DNAH17: variants seen among roughly 807,000 people sequenced by gnomAD.
The protein encoded by DNAH17 is axonemal beta dynein heavy chain 17.
DNAH17 carries 376 observed loss-of-function variants against 485.6 expected under a neutral mutation model. That is an observed-to-expected ratio of 0.77 (90% CI 0.71 to 0.84). The LOEUF is 0.84. DNAH17 is among the 40% of genes least tolerant of loss of function. The pLI is 0.00. For synonymous variants in DNAH17, 3,031 were observed against 2,405.9 expected, an observed-to-expected ratio of 1.26 and a Z score of -7.60; for missense variants, 6,370 against 5,839.3, an observed-to-expected ratio of 1.09 and a Z score of -2.96.
At chr17:78,470,995 G>A (rs2088722669) in intron 54 of DNAH17, among the ~76,000 whole-genome samples, 1 of 152,156 alleles carries the variant, frequency 6.6e-6, no homozygotes, top group Non-Finnish European at 1.5e-5. Context: ...CCATTTCCAT[G>A]TATATATATG....
intron 17 of DNAH17, among the ~76,000 whole-genome samples, chr17:78,540,957 G>A (rs111218976): frequency 3.9e-3 from 2 of 514 alleles, no homozygotes; most frequent in African/African-American, 0.019. Context: ...ATCGGTGGAT[G>A]AGTGGATGGG....
At position 78,450,772 on chromosome 17, in the gene DNAH17, C is replaced by G. The variant is rs1047864229; in HGVS notation, c.10809G>C (p.Leu3603=). The change falls in exon 67 of 81, where the codon CTG becomes CTC. Residue 3603 remains leucine, a synonymous_variant. Transcript: ENST00000389840. ...CCAGAAAGTTCCCCGACGCAGCCGACAGACGGGCCAGGAGCGAATCTTCCA... is the reference window on the plus strand; with the variant it reads ...CCAGAAAGTTCCCCGACGCAGCCGAGAGACGGGCCAGGAGCGAATCTTCCA... ...KELEDSLLAR[L]SAASGNFLGD... 6.9e-5 allele frequency: 112 copies of G among 1,613,940 alleles called. No individual in the cohort carries two copies. Among genetic ancestry groups the G allele is most frequent in the Non-Finnish European group, 8.5e-5 (100 of 1,179,904 alleles).
At chr17:78,437,891 G>T in intron 73 of DNAH17, 23 bp from the exon 74 acceptor site, 1 of 1,574,678 alleles carries the variant, frequency 6.4e-7, no homozygotes, top group East Asian at 2.3e-5. Flanking sequence ...CTAGAGGCTG[G>T]TTACACACTT....
Position 78,450,719 on chromosome 17 carries a change from T to A in DNAH17, c.10862A>T (p.Glu3621Val). 6.2e-7 allele frequency: 1 copy of A among 1,613,830 alleles called. No homozygotes were observed. Among genetic ancestry groups the A allele is most frequent in the Non-Finnish European group, 8.5e-7 (1 of 1,179,844 alleles). The change falls in exon 67 of 81, where the codon GAG becomes GTG. Residue 3621 changes from glutamate (E) to valine (V), a missense_variant. Physicochemically the swap from Glu to Val is moderately radical, Grantham distance 121. Transcript: ENST00000389840. ...LGDTALVENL[E>V]TTKHTASEIE... is the part of the protein sequence containing the mutation. ...CTCGCTGGCTGTGTGCTTGGTGGTC[T>A]CCAGATTCTCCACCAAGGCCGTGTC...
intron 60 of DNAH17, among the ~76,000 whole-genome samples, chr17:78,459,423 C>A (rs988363366): frequency 5.3e-5 from 8 of 152,214 alleles, no homozygotes; most frequent in African/African-American, 1.9e-4. Context: ...CCAAGTCGGG[C>A]ACCAGGAGAC....
Position 78,480,691 on chromosome 17 carries a change from C to T in DNAH17, c.7745G>A (p.Arg2582Lys). The T allele has an allele frequency of 3.7e-6, 6 of 1,613,466 alleles. No individual in the cohort carries two copies. Among genetic ancestry groups the T allele is most frequent in the Non-Finnish European group, 5.1e-6 (6 of 1,179,678 alleles). The part of the protein sequence containing the change: ...PTSGSFTIDS[R>K]LQRHFCVFAV... ...AGTATGGTTTCTGCTTACCTGAAGC[C>T]TGGAGTCGATGGTGAAGGATCCGGA... The change falls in exon 49 of 81, where the codon AGG (arginine) becomes AAG (lysine). Residue 2582 changes from arginine to lysine, a missense_variant. Physicochemically the swap from Arg to Lys is conservative, Grantham distance 26. Transcript: ENST00000389840.
chr17:78,500,959 C>G, intron 35 of DNAH17: 1 of 431,648 alleles, frequency 2.3e-6, no homozygotes, highest in Non-Finnish European at 4.0e-6. Flanking sequence ...AAACATGACC[C>G]CAACTCAGCA....
intron 19 of DNAH17, among the ~76,000 whole-genome samples, chr17:78,534,741 G>C (rs2091328265): frequency 6.6e-6 from 1 of 152,176 alleles, no homozygotes; most frequent in Non-Finnish European, 1.5e-5. Flanking sequence ...CCAGAGGCAG[G>C]TGAGACCTGC....
chr17:78,494,889 G>A (rs2090009474), intron 39 of DNAH17, 69 bp from the exon 40 acceptor site: 2 of 1,574,486 alleles, frequency 1.3e-6, no homozygotes, highest in East Asian at 2.3e-5. Flanking sequence ...AGGTCTGGAA[G>A]CCAACCCTGG....
At chr17:78,525,539 G>A (rs2091045108) in intron 24 of DNAH17, among the ~76,000 whole-genome samples, 2 of 152,230 alleles carry the variant, frequency 1.3e-5, no homozygotes, top group South Asian at 4.1e-4. Flanking sequence ...ATTCAGATAA[G>A]CAAAGAGGAA....
At position 78,558,152 on chromosome 17, in the gene DNAH17, T is replaced by C; in HGVS notation, c.2134A>G (p.Lys712Glu). 1 of 1,613,812 alleles carries C rather than the reference T, an allele frequency of 6.2e-7. No homozygotes were observed. Among genetic ancestry groups the C allele is most frequent in the Non-Finnish European group, 8.5e-7 (1 of 1,179,814 alleles). Residue 712 changes from lysine to glutamate, a missense_variant, in exon 14 of 81, where the codon AAG becomes GAG. Lys to Glu is a moderately conservative substitution (Grantham distance 56). Coordinates refer to ENST00000389840, the MANE Select transcript of DNAH17 (RefSeq NM_173628.4). ...ATGAGCTCCAGGTTGCCCACAAACT[T>C]CCGGAAAGTTTCGTTCTCTGAGAAC... is the stretch of plus-strand genomic sequence containing the variant. ...SLFSENETFRKFVGNLELIVG... is the reference protein window; with the variant it reads ...SLFSENETFREFVGNLELIVG...
intron 56 of DNAH17, among the ~76,000 whole-genome samples, chr17:78,466,249 C>T (rs866717331): frequency 6.0e-4 from 91 of 152,218 alleles, no homozygotes; most frequent in Admixed American, 9.8e-4. Flanking sequence ...CGTTAAGAGT[C>T]ATCACCACTC....
At chr17:78,432,666 G>A (rs1295043948) in intron 75 of DNAH17, among the ~76,000 whole-genome samples, 1 of 152,208 alleles carries the variant, frequency 6.6e-6, no homozygotes, top group African/African-American at 2.4e-5. Flanking sequence ...GCCTTCTCAG[G>A]ACACCCAATG....
chr17:78,529,492 C>T lies in DNAH17; in HGVS notation c.3487G>A (p.Glu1163Lys). The change falls in exon 22 of 81, where the codon GAG becomes AAG. Residue 1163 changes from glutamate to lysine, a missense_variant. Coordinates refer to ENST00000389840, the MANE Select transcript of DNAH17 (RefSeq NM_173628.4). ...CGTACCTGCAGCTTCAAGTGGATCT[C>T]CTCTGGCATCTCCTCCCCGTAGGTC... ...LKTYGEEMPE[E>K]IHLKLQELPE... is the part of the protein sequence containing the mutation. 1 of 1,613,928 alleles carries T rather than the reference C, an allele frequency of 6.2e-7. No homozygotes were observed. The highest frequency in any genetic ancestry group is 8.5e-7 in the Non-Finnish European group (1 of 1,179,876).
rs766332647 is a variant in DNAH17, at chr17:78,571,669, T to C, written c.653A>G (p.Asp218Gly). The C allele has an allele frequency of 1.5e-5, 24 of 1,613,872 alleles. No homozygotes were observed. Among genetic ancestry groups the C allele is most frequent in the Non-Finnish European group, 2.0e-5 (24 of 1,179,884 alleles). Residue 218 changes from aspartate (D) to glycine (G), a missense_variant, in exon 4 of 81, where the codon GAT becomes GGT. Asp to Gly is a moderately conservative substitution (Grantham distance 94). Transcript: ENST00000389840. ...CACTTGGGGCAGGGGGTGCAGCCCA[T>C]CCAGCAGCGCCTGGGCTGAGTCTTT... ...LSKDSAQALL[D>G]GLHPLPQVEF...
intron 36 of DNAH17, chr17:78,499,379 G>C: frequency 3.1e-6 from 1 of 321,378 alleles, no homozygotes; most frequent in South Asian, 1.2e-4. Flanking sequence ...CCCTAATAAG[G>C]GGCTCAGACA....
At chr17:78,452,737 C>CA (rs1212463483) in intron 65 of DNAH17, among the ~76,000 whole-genome samples, 7 of 152,148 alleles carry the variant, frequency 4.6e-5, no homozygotes, top group Admixed American at 1.3e-4. Context: ...GACTCCATCT[C>CA]AAAAAACAAA....
Position 78,437,672 on chromosome 17 carries a change from T to C in DNAH17, c.12002A>G (p.Asn4001Ser), listed in dbSNP as rs577611162. ...GAACAGGTCCAGGGCCTTGTGCAAG[T>C]TGGCGTGCATGCCCGTGGGGGGCTC... The part of the protein sequence containing the change: ...TNEPPTGMHA[N>S]LHKALDLFTQ... The change falls in exon 74 of 81, where the codon AAC becomes AGC. Residue 4001 changes from asparagine (N) to serine (S), a missense_variant. By Grantham distance (46) the Asn-to-Ser change is conservative. Coordinates refer to ENST00000389840, the MANE Select transcript of DNAH17 (RefSeq NM_173628.4). 6 of 1,611,172 alleles carry C rather than the reference T, an allele frequency of 3.7e-6. No homozygotes were observed. The highest frequency in any genetic ancestry group is 1.7e-4 in the Middle Eastern group (1 of 6,020).
At chr17:78,425,686 A>C (rs1203902664) in intron 79 of DNAH17, 115 bp from the exon 80 acceptor site, 1 of 906,272 alleles carries the variant, frequency 1.1e-6, no homozygotes, top group Non-Finnish European at 1.6e-6. Flanking sequence ...CCACTCAGCG[A>C]GCTAGAAGTG....
Sources: allele counts gnomAD v4.1 joint callset (sites outside exome capture counted in the v4.1 genomes callset), GRCh38; gene constraint gnomAD v4.1.1; transcripts MANE v1.5; gene names NCBI Gene and HGNC (gene_info 2026-07-23, HGNC 2026-07-21).